PCGF3: variants seen among roughly 807,000 people sequenced by gnomAD.
The protein encoded by PCGF3 is polycomb group ring finger 3.
PCGF3 carries 7 observed loss-of-function variants against 33.1 expected under a neutral mutation model. That is an observed-to-expected ratio of 0.21 (90% CI 0.12 to 0.40). The LOEUF (loss-of-function observed/expected upper bound fraction) is 0.40, where lower values mean the gene tolerates loss of function less well. PCGF3 is among the 10% of genes least tolerant of loss of function. PCGF3 has a pLI of 1.00. For synonymous variants in PCGF3, 153 were observed against 121.3 expected, an observed-to-expected ratio of 1.26 and a Z score of -1.72; for missense variants, 211 against 313.3, an observed-to-expected ratio of 0.67 and a Z score of 2.46.
chr4:763,639 G>GGAGA (rs1332163662), intron 9 of PCGF3, among the ~76,000 whole-genome samples: 3 of 152,202 alleles, frequency 2.0e-5, no homozygotes, highest in Admixed American at 6.5e-5. Context: ...CAGGCCCTGT[G>GGAGA]GAGAACAGCT....
chr4:722,988 C>T (rs1045132933), intron 1 of PCGF3, among the ~76,000 whole-genome samples: 1 of 145,120 alleles, frequency 6.9e-6, no homozygotes, highest in Non-Finnish European at 1.5e-5. Context: ...AGTCATCGCC[C>T]GTCCGTGCCG....
At chr4:718,702 C>T (rs776118022) in intron 1 of PCGF3, among the ~76,000 whole-genome samples, 4 of 152,134 alleles carry the variant, frequency 2.6e-5, no homozygotes, top group Non-Finnish European at 5.9e-5. Flanking sequence ...CTGAGTGGGG[C>T]TGGGAGTCAA....
At chr4:711,761 A>G (rs1369257930) in intron 1 of PCGF3, among the ~76,000 whole-genome samples, 1 of 152,038 alleles carries the variant, frequency 6.6e-6, no homozygotes, top group African/African-American at 2.4e-5. Flanking sequence ...CCGGCCGAAA[A>G]TGTAATTTTT....
chr4:713,766 G>T (rs925863725), intron 1 of PCGF3, among the ~76,000 whole-genome samples: 1 of 152,184 alleles, frequency 6.6e-6, no homozygotes, highest in Non-Finnish European at 1.5e-5. Context: ...TTGGATTCCT[G>T]ATGCCGCCCA....
intron 1 of PCGF3, among the ~76,000 whole-genome samples, chr4:717,015 G>C (rs1346108369): frequency 6.8e-6 from 1 of 146,542 alleles, no homozygotes; most frequent in African/African-American, 2.6e-5. Flanking sequence ...GGGCGTCTGT[G>C]CTGGGACCCT....
intron 1 of PCGF3, among the ~76,000 whole-genome samples, chr4:727,708 A>G (rs942709097): frequency 2.0e-5 from 3 of 152,174 alleles, no homozygotes; most frequent in Non-Finnish European, 4.4e-5. Flanking sequence ...GAGTTTGTCA[A>G]GAATGATTAT....
chr4:752,487 T>C (rs1482621035), intron 8 of PCGF3, among the ~76,000 whole-genome samples: 1 of 152,244 alleles, frequency 6.6e-6, no homozygotes, highest in Non-Finnish European at 1.5e-5. Flanking sequence ...TTCCGCTCTT[T>C]TCCCCCAGCT....
chr4:767,394 T>G (rs896016388), exon 11 of PCGF3: 2 of 152,136 alleles, frequency 1.3e-5, no homozygotes, highest in Non-Finnish European at 2.9e-5. Context: ...TCTGGAGTGG[T>G]TGAGGTGTTG....
At position 720,503 on chromosome 4, in the gene PCGF3, T is replaced by C. The variant is rs11945647; in HGVS notation, c.-189-10127T>C. Among the ~76,000 whole-genome samples the C allele has an allele frequency of 5.5e-3, 831 of 151,692 alleles. 13 individuals are homozygous for C. Among genetic ancestry groups the C allele is most frequent in the African/African-American group, 0.019 (798 of 40,996 alleles). On this transcript the variant is annotated intron_variant, in intron 1 of 10. Transcript: ENST00000362003. This position sits in a 1 kb window ranked among gnomAD's most constrained non-coding sequence, Gnocchi z 5.6. Reference sequence around the variant, plus strand: ...CCACCCGTGAGTGGGTAGGGCCTCCTGCCAGGGAGCCTTGTGCATGGCTGG... The same window carrying C: ...CCACCCGTGAGTGGGTAGGGCCTCCCGCCAGGGAGCCTTGTGCATGGCTGG...
intron 1 of PCGF3, among the ~76,000 whole-genome samples, chr4:707,460 A>C (rs116190029): frequency 7.0e-6 from 1 of 142,150 alleles, no homozygotes; most frequent in Non-Finnish European, 1.5e-5. Flanking sequence ...CGGGACCCTG[A>C]GACAGCCCTG....
chr4:755,688 C>G (rs1334252891), intron 8 of PCGF3, among the ~76,000 whole-genome samples: 2 of 151,896 alleles, frequency 1.3e-5, no homozygotes, highest in Admixed American at 6.6e-5. Context: ...CTGCAGTTGA[C>G]CTTGTGTGTA....
Position 721,199 on chromosome 4 carries a change from C to T in PCGF3, c.-189-9431C>T, listed in dbSNP as rs981672142. On this transcript the variant is annotated intron_variant, in intron 1 of 10. Transcript: ENST00000362003. This position sits in a 1 kb window ranked among gnomAD's most constrained non-coding sequence, Gnocchi z 4.1. ...CATTACAACAGTGCGGGCCCTGATT[C>T]TCATGGTTCCCCAGTGAGGCTGTTC... Among the ~76,000 whole-genome samples the T allele has an allele frequency of 3.3e-5, 5 of 152,144 alleles. No homozygotes were observed. The highest frequency in any genetic ancestry group is 1.2e-4 in the African/African-American group (5 of 41,426).
At chr4:716,878 C>T (rs1377379884) in intron 1 of PCGF3, among the ~76,000 whole-genome samples, 7 of 130,778 alleles carry the variant, frequency 5.4e-5, no homozygotes, top group Admixed American at 5.0e-4. Context: ...AACTGGGCGT[C>T]GGTGCTGGGC....
rs1020282312 is a variant in PCGF3 at position 721,396 on chromosome 4, G to C, written c.-189-9234G>C. Among the ~76,000 whole-genome samples the C allele has an allele frequency of 6.6e-6, 1 of 152,062 alleles. No homozygotes were observed. Among genetic ancestry groups the C allele is most frequent in the Non-Finnish European group, 1.5e-5 (1 of 67,994 alleles). ...CCCCAGGCATGGGCTTGTGATGCCG[G>C]CTCTTCCTCCTGGCAGAGCTCCCCA... On this transcript the variant is annotated intron_variant, in intron 1 of 10. Transcript: ENST00000362003. This position sits in a 1 kb window ranked among gnomAD's most constrained non-coding sequence, Gnocchi z 4.1.
chr4:752,329 A>C (rs2152605991), intron 8 of PCGF3, among the ~76,000 whole-genome samples: 1 of 152,346 alleles, frequency 6.6e-6, no homozygotes, highest in South Asian at 2.1e-4. Context: ...GGTTAGCCTC[A>C]GGTGACTCAT....
At chr4:769,664 C>G (rs542115512) in exon 11 of PCGF3, 1 of 152,734 alleles carries the variant, frequency 6.5e-6, no homozygotes, top group Admixed American at 6.5e-5. Flanking sequence ...GTGTCCTTCG[C>G]ACCCAACAGT....
intron 1 of PCGF3, among the ~76,000 whole-genome samples, chr4:725,405 G>C (rs1336451743): frequency 6.6e-6 from 1 of 152,238 alleles, no homozygotes; most frequent in Non-Finnish European, 1.5e-5. Flanking sequence ...TAGGCTGCTG[G>C]GAGGAGGGGC....
rs570528684 is a variant in PCGF3 at position 755,904 on chromosome 4, C to CTTT, written c.463-5349_463-5347dup. 5.5e-3 allele frequency among the ~76,000 whole-genome samples: 481 copies of CTTT among 87,160 alleles called. 61 individuals are homozygous for CTTT. The highest frequency in any genetic ancestry group is 7.6e-3 in the Non-Finnish European group (367 of 48,132). 57.2% of individuals were successfully genotyped at this position (87,160 alleles called of 152,430 possible). ...CTCATTTTTCTTCTTCAGAATTGTCCTTTTTTTTTTTTTTTTTTTTTTTTT... is the reference window on the plus strand; with the variant it reads ...CTCATTTTTCTTCTTCAGAATTGTCCTTTTTTTTTTTTTTTTTTTTTTTTTTTT... On this transcript the variant is annotated intron_variant, in intron 8 of 10. Transcript: ENST00000362003.
At chr4:744,517 C>T (rs955696907) in intron 7 of PCGF3, 83 bp from the exon 8 acceptor site, 6 of 1,030,962 alleles carry the variant, frequency 5.8e-6, no homozygotes, top group Admixed American at 2.2e-5. Context: ...GAATTTTTGA[C>T]GGCATTTGGA....
Sources: allele counts gnomAD v4.1 joint callset (sites outside exome capture counted in the v4.1 genomes callset), GRCh38; gene constraint gnomAD v4.1.1; non-coding constraint Gnocchi (gnomAD v3.1); transcripts MANE v1.5; gene names NCBI Gene and HGNC (gene_info 2026-07-23, HGNC 2026-07-21).